Variants in HMBOX1 observed in about 807,000 individuals in gnomAD.
HMBOX1 encodes homeobox-containing protein 1.
A neutral mutation model predicts 54.5 loss-of-function variants in HMBOX1; 14 were observed. The observed-to-expected ratio is 0.26, with a 90% CI of 0.17 to 0.40. The LOEUF (loss-of-function observed/expected upper bound fraction) is 0.40. HMBOX1 is among the 10% of genes least tolerant of loss of function. HMBOX1 has a pLI of 1.00. For missense variants in HMBOX1, 332 were observed against 514.4 expected, an observed-to-expected ratio of 0.65 and a Z score of 3.43; for synonymous variants, 160 against 181.0, an observed-to-expected ratio of 0.88 and a Z score of 0.93.
rs547320338 is a variant in HMBOX1 at position 28,902,571 on chromosome 8, C to T, written c.-58+11893C>T. Reference sequence around the variant, plus strand: ...CATTATGGGGAAAACATAATGTCTCCTTAGGCATCTCCCTGTCTCTGTGTG... The same window carrying T: ...CATTATGGGGAAAACATAATGTCTCTTTAGGCATCTCCCTGTCTCTGTGTG... On this transcript the variant is annotated intron_variant, in intron 1 of 9. Coordinates refer to ENST00000287701, the MANE Select transcript of HMBOX1 (RefSeq NM_001135726.3). Among the ~76,000 whole-genome samples, 3 of 152,192 alleles carry T rather than the reference C, an allele frequency of 2.0e-5. No homozygotes were observed. In the South Asian group the frequency reaches 6.2e-4, roughly 32 times the overall value.
chr8:29,043,297 TC>T (rs140062743), intron 6 of HMBOX1, among the ~76,000 whole-genome samples: 15,809 of 152,266 alleles, frequency 0.1, 1,009 homozygotes, highest in Middle Eastern at 0.15. Context: ...AAAACGCTCT[TC>T]CTCCTCTTCT....
chr8:29,029,785 T>C (rs1271439904), intron 6 of HMBOX1, among the ~76,000 whole-genome samples: 1 of 152,242 alleles, frequency 6.6e-6, no homozygotes, highest in Non-Finnish European at 1.5e-5. Context: ...TCCTTAACTT[T>C]TATGTGGTAA....
chr8:28,971,554 T>C (rs973239446), intron 3 of HMBOX1, among the ~76,000 whole-genome samples: 2 of 152,200 alleles, frequency 1.3e-5, no homozygotes, highest in Non-Finnish European at 2.9e-5. Flanking sequence ...ATGGGTGACC[T>C]TGACCTAAAT....
chr8:28,904,876 C>T (rs899029202), intron 1 of HMBOX1, among the ~76,000 whole-genome samples: 5 of 152,090 alleles, frequency 3.3e-5, no homozygotes, highest in African/African-American at 1.2e-4. Context: ...AGGGTTTCAT[C>T]GTGTTAGCCA....
chr8:28,923,256 A>G (rs560460512), intron 1 of HMBOX1, among the ~76,000 whole-genome samples: 1 of 152,190 alleles, frequency 6.6e-6, no homozygotes, highest in African/African-American at 2.4e-5. Flanking sequence ...TGGACATTTC[A>G]TATAAACAGA....
At chr8:28,927,966 C>T (rs1228290137) in intron 1 of HMBOX1, among the ~76,000 whole-genome samples, 2 of 151,198 alleles carry the variant, frequency 1.3e-5, no homozygotes, top group African/African-American at 4.9e-5. Flanking sequence ...GAAACTCTGT[C>T]TCTTCTAAAA....
chr8:28,956,475 T>C (rs1563463110), intron 1 of HMBOX1, among the ~76,000 whole-genome samples: 1 of 152,172 alleles, frequency 6.6e-6, no homozygotes, highest in Non-Finnish European at 1.5e-5. Flanking sequence ...TTATTCTGCC[T>C]GATACTTATT....
intron 4 of HMBOX1, among the ~76,000 whole-genome samples, chr8:28,986,975 G>A (rs548197001): frequency 7.2e-5 from 11 of 152,118 alleles, no homozygotes; most frequent in African/African-American, 2.6e-4. Context: ...GATATTTTTT[G>A]TTGTTTGAAA....
intron 6 of HMBOX1, among the ~76,000 whole-genome samples, chr8:29,032,195 G>T (rs1263366696): frequency 6.6e-6 from 1 of 151,692 alleles, no homozygotes; most frequent in Non-Finnish European, 1.5e-5. Context: ...CAGTTTTTGG[G>T]GTTGTTGGTG....
chr8:29,009,699 A>C, intron 5 of HMBOX1: 1 of 1,287,680 alleles, frequency 7.8e-7, no homozygotes, highest in South Asian at 1.2e-5. Flanking sequence ...AGCTGCCCTG[A>C]TGACTCCCAG....
chr8:28,987,998 T>C (rs1472294003), intron 4 of HMBOX1, among the ~76,000 whole-genome samples: 1 of 152,234 alleles, frequency 6.6e-6, no homozygotes, highest in African/African-American at 2.4e-5. Flanking sequence ...ACCAAACTTA[T>C]ACAGTGGTAT....
intron 1 of HMBOX1, among the ~76,000 whole-genome samples, chr8:28,912,715 T>G (rs962355651): frequency 6.6e-6 from 1 of 152,178 alleles, no homozygotes; most frequent in African/African-American, 2.4e-5. Flanking sequence ...CTCAGAGCTC[T>G]GCTCCAGGCC....
At chr8:28,957,642 A>G (rs1297763269) in intron 1 of HMBOX1, among the ~76,000 whole-genome samples, 1 of 152,104 alleles carries the variant, frequency 6.6e-6, no homozygotes, top group Non-Finnish European at 1.5e-5. Context: ...TTATTTTTTG[A>G]GATAGCGTCT....
chr8:28,909,526 A>G (rs916037856), intron 1 of HMBOX1, among the ~76,000 whole-genome samples: 4 of 152,202 alleles, frequency 2.6e-5, no homozygotes, highest in Non-Finnish European at 5.9e-5. Context: ...ATACTGGTCT[A>G]CAGACCAGAC....
At chr8:28,963,126 A>C (rs1825885504) in intron 1 of HMBOX1, among the ~76,000 whole-genome samples, 1 of 152,172 alleles carries the variant, frequency 6.6e-6, no homozygotes, top group Non-Finnish European at 1.5e-5. Flanking sequence ...CTGGGATTAC[A>C]GGCATGTGCC....
At chr8:28,897,096 T>C (rs1812284461) in intron 1 of HMBOX1, among the ~76,000 whole-genome samples, 1 of 151,874 alleles carries the variant, frequency 6.6e-6, no homozygotes, top group Non-Finnish European at 1.5e-5. Flanking sequence ...GTGATTCTCC[T>C]GCCTCAGCCT....
chr8:29,044,837 A>C (rs1805346111), intron 6 of HMBOX1, among the ~76,000 whole-genome samples: 1 of 152,192 alleles, frequency 6.6e-6, no homozygotes, highest in Non-Finnish European at 1.5e-5. Flanking sequence ...GCTACATATA[A>C]GTATAGATAT....
At chr8:28,953,208 A>G (rs1269389776) in intron 1 of HMBOX1, among the ~76,000 whole-genome samples, 1 of 152,164 alleles carries the variant, frequency 6.6e-6, no homozygotes, top group Non-Finnish European at 1.5e-5. Context: ...TCATATTTCA[A>G]TCATCATTTT....
Position 28,970,613 on chromosome 8 carries a change from G to A in HMBOX1, c.500+94G>A. The A allele has an allele frequency of 1.3e-6, 1 of 742,736 alleles. No individual in the cohort carries two copies. Among genetic ancestry groups the A allele is most frequent in the South Asian group, 1.9e-5 (1 of 53,936 alleles). The allele number at this position is 742,736 out of a possible 1,614,324, so 46.0% of individuals were successfully genotyped here. A position where few individuals can be genotyped will look rare whatever the true frequency, so the allele number is the denominator to read the frequency against. ...CTGCGTTTCAGCTACTTAGCTATAA[G>A]AACTGTAACTTCCTCTAGCTATAAG... is the stretch of plus-strand genomic sequence containing the variant. On this transcript the variant is annotated intron_variant, in intron 3 of 9. Coordinates refer to ENST00000287701, the MANE Select transcript of HMBOX1 (RefSeq NM_001135726.3). This position sits in a 1 kb window ranked among gnomAD's most constrained non-coding sequence, Gnocchi z 4.3.
Sources: allele counts gnomAD v4.1 joint callset (sites outside exome capture counted in the v4.1 genomes callset), GRCh38; gene constraint gnomAD v4.1.1; non-coding constraint Gnocchi (gnomAD v3.1); transcripts MANE v1.5; gene names NCBI Gene and HGNC (gene_info 2026-07-23, HGNC 2026-07-21).